Variants in PPP1R12A observed in about 807,000 individuals in gnomAD.
The protein encoded by PPP1R12A is myosin binding subunit.
In PPP1R12A, 19 loss-of-function variants were observed where a neutral mutation model predicts 139.6. The ratio of observed to expected loss-of-function variants is 0.14; its 90% CI spans 0.09 to 0.20. PPP1R12A has a LOEUF of 0.20. Among genes scored for constraint, PPP1R12A ranks in the 10% least tolerant of loss-of-function variants. The pLI, the probability that PPP1R12A is intolerant of heterozygous loss-of-function variation, is 1.00. For missense variants in PPP1R12A, 925 were observed against 1,211.5 expected (o/e 0.76, Z 3.51); for synonymous variants, 427 against 420.6 (o/e 1.02, Z -0.19).
At chr12:79,827,335 A>C (rs1478982289) in intron 5 of PPP1R12A, among the ~76,000 whole-genome samples, 1 of 152,156 alleles carries the variant, frequency 6.6e-6, no homozygotes, top group African/African-American at 2.4e-5. Flanking sequence ...AAATCAGTTA[A>C]TGAAAATAAG....
intron 3 of PPP1R12A, among the ~76,000 whole-genome samples, chr12:79,835,888 T>C (rs1006814105): frequency 1.3e-5 from 2 of 152,224 alleles, no homozygotes; most frequent in African/African-American, 4.8e-5. Flanking sequence ...ACCTGAATTG[T>C]ATTTTTATTT....
intron 1 of PPP1R12A, among the ~76,000 whole-genome samples, chr12:79,895,915 T>C (rs1885087762): frequency 1.3e-5 from 2 of 152,126 alleles, no homozygotes; most frequent in African/African-American, 4.8e-5. Flanking sequence ...AGCTCAGAGA[T>C]TAGGGAGTAG....
At chr12:79,891,206 A>C (rs1884614619) in intron 1 of PPP1R12A, among the ~76,000 whole-genome samples, 1 of 152,204 alleles carries the variant, frequency 6.6e-6, no homozygotes, top group Admixed American at 6.5e-5. Context: ...AGAATATATA[A>C]TTCTGGATCC....
At chr12:79,859,800 C>T (rs1411675612) in intron 2 of PPP1R12A, among the ~76,000 whole-genome samples, 1 of 152,078 alleles carries the variant, frequency 6.6e-6, no homozygotes, top group Non-Finnish European at 1.5e-5. Flanking sequence ...GTCTACAGTC[C>T]TAGCTACCGC....
At chr12:79,901,115 G>A (rs1255008804) in intron 1 of PPP1R12A, among the ~76,000 whole-genome samples, 6 of 152,158 alleles carry the variant, frequency 3.9e-5, no homozygotes, top group Admixed American at 3.9e-4. Context: ...AAGAATGTAA[G>A]AACACACAAT....
At chr12:79,891,983 T>A (rs1396922848) in intron 1 of PPP1R12A, among the ~76,000 whole-genome samples, 3 of 152,316 alleles carry the variant, frequency 2.0e-5, no homozygotes, top group Non-Finnish European at 4.4e-5. Context: ...AGCTAAGTCA[T>A]ATCCATTCCT....
chr12:79,810,373 C>A (rs886678075), intron 9 of PPP1R12A, among the ~76,000 whole-genome samples: 2 of 152,118 alleles, frequency 1.3e-5, no homozygotes, highest in African/African-American at 4.8e-5. Flanking sequence ...AATATAAATT[C>A]TTGCACATAG....
At chr12:79,895,132 T>C (rs1376459658) in intron 1 of PPP1R12A, among the ~76,000 whole-genome samples, 2 of 152,026 alleles carry the variant, frequency 1.3e-5, no homozygotes, top group African/African-American at 2.4e-5. Flanking sequence ...GTTTCCAATA[T>C]GGGGGGAAAA....
At chr12:79,889,112 A>G (rs970383083) in intron 1 of PPP1R12A, among the ~76,000 whole-genome samples, 4 of 152,236 alleles carry the variant, frequency 2.6e-5, no homozygotes, top group Non-Finnish European at 5.9e-5. Context: ...ATATTTTGCA[A>G]AGTGAAAAGA....
At chr12:79,890,395 T>C (rs1385002383) in intron 1 of PPP1R12A, among the ~76,000 whole-genome samples, 4 of 152,136 alleles carry the variant, frequency 2.6e-5, no homozygotes, top group Non-Finnish European at 5.9e-5. Flanking sequence ...AAGTCCAAAA[T>C]TGAAATGTAG....
chr12:79,824,519 A>G (rs1876523610), intron 5 of PPP1R12A, among the ~76,000 whole-genome samples: 1 of 152,190 alleles, frequency 6.6e-6, no homozygotes, highest in Non-Finnish European at 1.5e-5. Context: ...TCCCTTGATA[A>G]ATGAATCTAC....
chr12:79,786,560 T>C (rs1232490374), intron 21 of PPP1R12A, 82 bp from the exon 22 acceptor site: 2 of 849,980 alleles, frequency 2.4e-6, no homozygotes, highest in Non-Finnish European at 3.6e-6. Flanking sequence ...CTTTGCAATA[T>C]TAAAACAGCT....
At chr12:79,870,440 G>A (rs1453149563) in intron 2 of PPP1R12A, among the ~76,000 whole-genome samples, 6 of 152,012 alleles carry the variant, frequency 3.9e-5, no homozygotes, top group East Asian at 3.9e-4. Flanking sequence ...ATGAGCATTC[G>A]GAAGGATTTT....
In PPP1R12A at chr12:79,934,964, A is replaced by T; in HGVS notation, c.-33T>A. 6.5e-7 allele frequency: 1 copy of T among 1,540,756 alleles called. No individual in the cohort carries two copies. The highest frequency in any genetic ancestry group is 8.8e-7 in the Non-Finnish European group (1 of 1,140,328). ...CCTGCCGCCGGGTCTTCTTATCGCG[A>T]GGGGGGGAAGGGGGAGGCGGAGAGG... is the stretch of plus-strand genomic sequence containing the variant. On this transcript the variant is annotated 5_prime_UTR_variant, in exon 1 of 25. Coordinates refer to ENST00000450142, the MANE Select transcript of PPP1R12A (RefSeq NM_002480.3).
intron 9 of PPP1R12A, among the ~76,000 whole-genome samples, chr12:79,815,756 G>C (rs1875293513): frequency 6.6e-6 from 1 of 152,128 alleles, no homozygotes; most frequent in Admixed American, 6.5e-5. Context: ...ACTGCTTTTA[G>C]AGAATTTCTT....
intron 1 of PPP1R12A, among the ~76,000 whole-genome samples, chr12:79,929,237 C>G (rs1888071570): frequency 6.6e-6 from 1 of 152,184 alleles, no homozygotes; most frequent in Admixed American, 6.5e-5. Context: ...GGATTTCAGG[C>G]AGTAATGCTA....
In PPP1R12A at chr12:79,873,970, T is replaced by C. The variant is rs1882838001; in HGVS notation, c.238-1032A>G. ...TTCTTGCAAATGAACAAAATGAGTC[T>C]GTCACTTCAAGAAAAGCAATTAACG... On this transcript the variant is annotated intron_variant, in intron 1 of 24. Transcript: ENST00000450142. 2.0e-5 allele frequency among the ~76,000 whole-genome samples: 3 copies of C among 152,172 alleles called. No homozygotes were observed. In the South Asian group the frequency reaches 6.2e-4, roughly 31 times the overall value.
chr12:79,924,070 A>G (rs1292842071), intron 1 of PPP1R12A, among the ~76,000 whole-genome samples: 1 of 152,174 alleles, frequency 6.6e-6, no homozygotes, highest in Non-Finnish European at 1.5e-5. Context: ...TTTAAAAAAA[A>G]GGAGATGGGG....
chr12:79,839,852 G>T (rs565750355), intron 3 of PPP1R12A, among the ~76,000 whole-genome samples: 1 of 152,252 alleles, frequency 6.6e-6, no homozygotes, highest in Admixed American at 6.5e-5. Flanking sequence ...AAATTACCCA[G>T]TCTTGGGTAT....
Sources: allele counts gnomAD v4.1 joint callset (sites outside exome capture counted in the v4.1 genomes callset), GRCh38; gene constraint gnomAD v4.1.1; transcripts MANE v1.5; gene names NCBI Gene and HGNC (gene_info 2026-07-23, HGNC 2026-07-21).